Variants in CRTC1 observed in about 807,000 individuals in gnomAD.
CRTC1 encodes CREB-regulated transcription coactivator 1.
In CRTC1, 18 loss-of-function variants were observed where a neutral mutation model predicts 66.1. The observed-to-expected ratio is 0.27, with a 90% confidence interval of 0.19 to 0.40. The LOEUF (loss-of-function observed/expected upper bound fraction) is 0.40, where lower values mean the gene tolerates loss of function less well. CRTC1 is among the 10% of genes least tolerant of loss of function. CRTC1 has a pLI of 1.00. For missense variants in CRTC1, 669 were observed against 887.9 expected (o/e 0.75, Z 3.13); for synonymous variants, 416 against 398.8 (o/e 1.04, Z -0.51).
intron 8 of CRTC1, 124 bp from the exon 9 acceptor site, chr19:18,765,280 T>C: frequency 7.2e-7 from 1 of 1,388,492 alleles, no homozygotes; most frequent in South Asian, 1.7e-5. Context: ...AGTTGGGACA[T>C]GTCCATGGGC....
Position 18,778,224 on chromosome 19 carries a change from C to T in CRTC1, c.*842C>T, listed in dbSNP as rs1015244976. ...CCCTCCTGTCCTGCACTGTGGTCAC[C>T]GGTCCTGTCATAGATGCTGTTAATT... On this transcript the variant is annotated 3_prime_UTR_variant, in exon 14 of 14. Transcript: ENST00000321949. 4.3e-6 allele frequency: 1 copy of T among 232,872 alleles called. No individual in the cohort carries two copies. Among genetic ancestry groups the T allele is most frequent in the East Asian group, 6.0e-5 (1 of 16,538 alleles). 14.4% of individuals were successfully genotyped at this position (232,872 alleles called of 1,614,324 possible).
At chr19:18,757,105 G>A (rs550341050) in intron 6 of CRTC1, among the ~76,000 whole-genome samples, 3 of 152,244 alleles carry the variant, frequency 2.0e-5, no homozygotes, top group African/African-American at 7.2e-5. Context: ...CAGCATGTTC[G>A]CCTTTTTCAT....
At chr19:18,712,625 A>G (rs923069911) in intron 1 of CRTC1, among the ~76,000 whole-genome samples, 1 of 152,136 alleles carries the variant, frequency 6.6e-6, no homozygotes, top group South Asian at 2.1e-4. Flanking sequence ...TGTACAGTGA[A>G]CACCTCTGCC....
chr19:18,779,231 T>A lies in CRTC1; in HGVS notation c.*1849T>A. 1 of 231,206 alleles carries A rather than the reference T, an allele frequency of 4.3e-6. No homozygotes were observed. The highest frequency in any genetic ancestry group is 2.2e-5 in the African/African-American group (1 of 45,298). 14.3% of individuals were successfully genotyped at this position (231,206 alleles called of 1,614,324 possible). A position where few individuals can be genotyped will look rare whatever the true frequency, so the allele number is the denominator to read the frequency against. ...GGGGTCCTGGGCACCCTGGCTTCTG[T>A]CCTCAGAGCTGGGTTTGATCCTAGC... On this transcript the variant is annotated 3_prime_UTR_variant, in exon 14 of 14. Coordinates refer to ENST00000321949, the MANE Select transcript of CRTC1 (RefSeq NM_015321.3).
chr19:18,771,431 T>C lies in CRTC1; in HGVS notation c.1321-11T>C, dbSNP rs2054865569. On this transcript the variant is annotated splice_polypyrimidine_tract_variant and intron_variant, in intron 10 of 13. Transcript: ENST00000321949. The surrounding 1 kb of genome is among the most constrained non-coding windows in gnomAD (Gnocchi z 4.6). ...CTGGGCTGCGGCGTGCTGATCTGTC[T>C]GTCATCGCAGGCGCCGGCTCTGCAG... The C allele has an allele frequency of 1.2e-6, 2 of 1,609,308 alleles. No individual in the cohort carries two copies. Among genetic ancestry groups the C allele is most frequent in the Admixed American group, 3.3e-5 (2 of 59,720 alleles).
chr19:18,762,785 G>A (rs546515926), intron 8 of CRTC1, among the ~76,000 whole-genome samples: 1 of 152,388 alleles, frequency 6.6e-6, no homozygotes, highest in East Asian at 1.9e-4. Flanking sequence ...CGCCCTCCTG[G>A]GCCAACTGGC....
chr19:18,691,900 G>T (rs2052849366), intron 1 of CRTC1, among the ~76,000 whole-genome samples: 2 of 152,050 alleles, frequency 1.3e-5, no homozygotes, highest in Admixed American at 1.3e-4. Flanking sequence ...TTTCAGTAGA[G>T]ATGGGGTTCA....
chr19:18,694,379 C>T (rs1241699106), intron 1 of CRTC1, among the ~76,000 whole-genome samples: 1 of 151,440 alleles, frequency 6.6e-6, no homozygotes, highest in Non-Finnish European at 1.5e-5. Flanking sequence ...TGATAACTTA[C>T]TAATCCAGAG....
intron 8 of CRTC1, among the ~76,000 whole-genome samples, chr19:18,762,214 C>T (rs910222105): frequency 7.9e-5 from 12 of 152,208 alleles, no homozygotes; most frequent in African/African-American, 2.7e-4. Flanking sequence ...CCCCAGCGCC[C>T]GCCCGGGAGC....
intron 9 of CRTC1, among the ~76,000 whole-genome samples, chr19:18,765,827 GGT>G (rs1355630918): frequency 1.8e-4 from 28 of 152,058 alleles, no homozygotes; most frequent in Non-Finnish European, 4.4e-5. Flanking sequence ...TGGGCATGGT[GGT>G]GTGCGCCTGT....
At chr19:18,759,650 T>TG (rs1305472487) in intron 7 of CRTC1, 59 bp downstream of exon 7, 1 of 1,563,744 alleles carries the variant, frequency 6.4e-7, no homozygotes, top group African/African-American at 1.4e-5. Flanking sequence ...CCGTCCACCC[T>TG]GGGGCATTCT....
intron 1 of CRTC1, among the ~76,000 whole-genome samples, chr19:18,686,175 T>G (rs535949296): frequency 3.9e-5 from 6 of 152,150 alleles, no homozygotes; most frequent in African/African-American, 1.4e-4. Flanking sequence ...GCATTTTATA[T>G]AAATGGAATC....
chr19:18,717,094 T>C (rs1241862700), intron 1 of CRTC1, among the ~76,000 whole-genome samples: 1 of 152,222 alleles, frequency 6.6e-6, no homozygotes, highest in Non-Finnish European at 1.5e-5. Flanking sequence ...TGCACACATG[T>C]GGCTGGGTGC....
intron 6 of CRTC1, among the ~76,000 whole-genome samples, chr19:18,758,748 G>A (rs2054548814): frequency 6.6e-6 from 1 of 152,174 alleles, no homozygotes; most frequent in Admixed American, 6.6e-5. Flanking sequence ...AAGCTTCCTG[G>A]GTCTCCCCTG....
At chr19:18,698,158 A>G (rs2053038675) in intron 1 of CRTC1, among the ~76,000 whole-genome samples, 2 of 152,004 alleles carry the variant, frequency 1.3e-5, no homozygotes, top group African/African-American at 4.8e-5. Flanking sequence ...GCATGTACTC[A>G]GCAGGCGCTC....
Position 18,701,589 on chromosome 19 carries a change from T to A in CRTC1, c.126+17761T>A, listed in dbSNP as rs1191254579. Among the ~76,000 whole-genome samples, 3 of 152,168 alleles carry A rather than the reference T, an allele frequency of 2.0e-5. No individual in the cohort carries two copies. In the East Asian group the frequency reaches 5.8e-4, roughly 29 times the overall value. Reference sequence around the variant, plus strand: ...GGGAGTATTCATTGCTGTTAACTGTTTCTTATGAGATAGGATTTTTGTTTT... The same window carrying A: ...GGGAGTATTCATTGCTGTTAACTGTATCTTATGAGATAGGATTTTTGTTTT... On this transcript the variant is annotated intron_variant, in intron 1 of 13. Transcript: ENST00000321949.
rs558197625 is a variant in CRTC1 at position 18,760,119 on chromosome 19, G to A, written c.777G>A (p.Pro259=). The A allele has an allele frequency of 5.0e-6, 8 of 1,613,658 alleles. No homozygotes were observed. The highest frequency in any genetic ancestry group is 2.2e-5 in the East Asian group (1 of 44,858). ...LTNIHFPSPL[P]TPLDPEEPTF... is the part of the protein sequence containing the mutation. ...ACATCCACTTCCCCTCCCCGCTCCC[G>A]ACCCCGCTGGACCCCGAGGAGCCCA... The change falls in exon 8 of 14, where the codon CCG becomes CCA. Residue 259 remains proline (P), a synonymous_variant. Coordinates refer to ENST00000321949, the MANE Select transcript of CRTC1 (RefSeq NM_015321.3). This position sits in a 1 kb window ranked among gnomAD's most constrained non-coding sequence, Gnocchi z 6.2.
intron 1 of CRTC1, among the ~76,000 whole-genome samples, chr19:18,720,157 T>C (rs1302155925): frequency 1.1e-4 from 16 of 152,026 alleles, no homozygotes; most frequent in Non-Finnish European, 2.9e-5. Context: ...AAAAGTGAGT[T>C]TTTTTGTTTT....
chr19:18,727,377 C>CT (rs1420003178), intron 1 of CRTC1, among the ~76,000 whole-genome samples: 3 of 151,638 alleles, frequency 2.0e-5, no homozygotes, highest in Non-Finnish European at 4.4e-5. Flanking sequence ...GTCAGGAGAT[C>CT]GAGACCATCC....
Sources: gnomAD v4.1 joint callset for allele counts (sites outside exome capture counted in the v4.1 genomes callset) on GRCh38, gnomAD v4.1.1 for gene constraint, Gnocchi (gnomAD v3.1) non-coding constraint, MANE v1.5 for transcripts, NCBI Gene and HGNC (gene_info 2026-07-23, HGNC 2026-07-21) for gene names.